The following CIROZ variants were observed in gnomAD, a reference collection of about 807,000 sequenced individuals.
CIROZ encodes the protein ciliated left-right organizer protein containing ZP-N domains.
At chr1:10,954,727 A>G in the CIROZ span, among the ~76,000 whole-genome samples, 2 of 151,890 alleles carry the variant, frequency 1.3e-5, no homozygotes, top group Non-Finnish European at 2.9e-5. Flanking sequence ...TACAGACTCA[A>G]CTCCCTAAGA....
the CIROZ span, among the ~76,000 whole-genome samples, chr1:10,953,259 C>G: frequency 6.6e-6 from 1 of 152,202 alleles, no homozygotes. Context: ...ATCTCCTTCG[C>G]GTCTGTCTTC....
the CIROZ span, chr1:10,958,832 C>T: frequency 6.8e-7 from 1 of 1,469,580 alleles, no homozygotes; most frequent in Non-Finnish European, 9.4e-7. Context: ...TGCCCATCAG[C>T]ACCGGCAATT....
chr1:10,960,107 G>T, the CIROZ span, among the ~76,000 whole-genome samples: 1 of 152,198 alleles, frequency 6.6e-6, no homozygotes, highest in Non-Finnish European at 1.5e-5. This position sits in a 1 kb window ranked among gnomAD's most constrained non-coding sequence, Gnocchi z 4.6. Context: ...GGAAGGGAAG[G>T]CCAGGTGCAG....
chr1:10,969,983 G>A, the CIROZ span: 5 of 1,535,896 alleles, frequency 3.3e-6, no homozygotes, highest in Non-Finnish European at 4.4e-6. Context: ...GCAAGTGCAA[G>A]GTCCTGGCCA....
chr1:10,968,444 T>C, the CIROZ span, among the ~76,000 whole-genome samples: 4 of 152,242 alleles, frequency 2.6e-5, no homozygotes, highest in Admixed American at 2.6e-4. Flanking sequence ...CATGCTTTCC[T>C]TTCAAAAGCA....
the CIROZ span, among the ~76,000 whole-genome samples, chr1:10,958,082 T>C: frequency 6.6e-6 from 1 of 152,012 alleles, no homozygotes; most frequent in Non-Finnish European, 1.5e-5. Context: ...ACAACTGGAG[T>C]CCTGTCCTTG....
the CIROZ span, among the ~76,000 whole-genome samples, chr1:10,973,253 A>G: frequency 6.6e-6 from 1 of 152,134 alleles, no homozygotes; most frequent in Non-Finnish European, 1.5e-5. Context: ...GGTGCCTGTA[A>G]TCCCAGCTAC....
At chr1:10,965,660 G>A in the CIROZ span, among the ~76,000 whole-genome samples, 1 of 152,016 alleles carries the variant, frequency 6.6e-6, no homozygotes, top group East Asian at 1.9e-4. Context: ...AGAAGCTCAA[G>A]ACCAGCCTGG....
At chr1:10,969,418 G>GT in the CIROZ span, among the ~76,000 whole-genome samples, 3 of 152,164 alleles carry the variant, frequency 2.0e-5, no homozygotes, top group African/African-American at 7.2e-5. Flanking sequence ...TATGCCCCTT[G>GT]TTGTTTGCTA....
At chr1:10,955,859 A>G in the CIROZ span, among the ~76,000 whole-genome samples, 82 of 151,880 alleles carry the variant, frequency 5.4e-4, no homozygotes, top group Admixed American at 1.0e-3. Context: ...AAAAAAAAAA[A>G]AAAGAAAGAA....
At chr1:10,974,595 TTCTTCAC>T in the CIROZ span, among the ~76,000 whole-genome samples, 31 of 152,268 alleles carry the variant, frequency 2.0e-4, no homozygotes, top group African/African-American at 7.2e-4. The surrounding 1 kb of genome is among the most constrained non-coding windows in gnomAD (Gnocchi z 4.4). Flanking sequence ...ACTCTTCCCC[TTCTTCAC>T]TCTTCACTTG....
the CIROZ span, chr1:10,948,309 G>T: frequency 6.2e-7 from 1 of 1,613,750 alleles, no homozygotes. Context: ...CTCTCCGGGA[G>T]AACGGTGAGA....
the CIROZ span, among the ~76,000 whole-genome samples, chr1:10,979,077 T>C: frequency 1.3e-4 from 20 of 152,160 alleles, no homozygotes; most frequent in African/African-American, 4.8e-4. Flanking sequence ...CTGCAATCTC[T>C]GCTTCTCAGA....
the CIROZ span, among the ~76,000 whole-genome samples, chr1:10,963,338 G>A: frequency 2.6e-5 from 4 of 151,922 alleles, no homozygotes; most frequent in African/African-American, 9.7e-5. Flanking sequence ...GCAGAGAGCC[G>A]AGATTGCACC....
chr1:10,947,648 A>C, the CIROZ span: 114 of 1,468,482 alleles, frequency 7.8e-5, 1 homozygote, highest in African/African-American at 1.3e-3. Context: ...CTCACCCTGG[A>C]GTCTCCATGG....
the CIROZ span, chr1:10,947,572 A>G: frequency 8.9e-7 from 1 of 1,118,122 alleles, no homozygotes; most frequent in Admixed American, 3.3e-5. Context: ...CCCAGCCCCC[A>G]CCTCCAGGCC....
the CIROZ span, among the ~76,000 whole-genome samples, chr1:10,953,503 G>A: frequency 5.9e-5 from 9 of 152,284 alleles, no homozygotes; most frequent in East Asian, 1.3e-3. Flanking sequence ...AAGTTGCATC[G>A]TGTCGTGCTC....
chr1:10,951,739 A>G, the CIROZ span, among the ~76,000 whole-genome samples: 6 of 134,134 alleles, frequency 4.5e-5, no homozygotes, highest in Non-Finnish European at 7.8e-5. Context: ...TTAAAAAAAA[A>G]AAAAAAATAT....
the CIROZ span, chr1:10,948,187 G>C: frequency 6.2e-7 from 1 of 1,613,822 alleles, no homozygotes; most frequent in East Asian, 2.2e-5. Flanking sequence ...TCTATGTCCT[G>C]GCTTGGTTCT....
Sources: gnomAD v4.1 joint callset for allele counts (sites outside exome capture counted in the v4.1 genomes callset) on GRCh38, gnomAD v4.1.1 for gene constraint, Gnocchi (gnomAD v3.1) non-coding constraint, MANE v1.5 for transcripts, NCBI Gene and HGNC (gene_info 2026-07-23, HGNC 2026-07-21) for gene names.